The following CCBE1 variants were observed in gnomAD, a reference collection of about 807,000 sequenced individuals.
CCBE1 encodes collagen and calcium binding EGF domains 1.
In CCBE1, 37 loss-of-function variants were observed where a neutral mutation model predicts 50.0. That is an observed-to-expected ratio of 0.74 (90% CI 0.57 to 0.97). CCBE1 has a LOEUF of 0.97. Ranked by LOEUF, CCBE1 falls within the 50% of genes least tolerant of loss-of-function variation. The pLI is 0.00. For missense variants in CCBE1, 538 were observed against 523.8 expected, an observed-to-expected ratio of 1.03 and a Z score of -0.26; for synonymous variants, 234 against 203.7, an observed-to-expected ratio of 1.15 and a Z score of -1.27.
chr18:59,441,121 G>T (rs1910400874), intron 7 of CCBE1, among the ~76,000 whole-genome samples: 1 of 152,220 alleles, frequency 6.6e-6, no homozygotes, highest in Admixed American at 6.5e-5. Flanking sequence ...GACAAAAGAA[G>T]AGAGTACCCA....
At chr18:59,685,504 T>C (rs1368744718) in intron 2 of CCBE1, among the ~76,000 whole-genome samples, 12 of 152,194 alleles carry the variant, frequency 7.9e-5, no homozygotes, top group Admixed American at 7.9e-4. Flanking sequence ...TTTACCCAGC[T>C]TCTGACAAAG....
At chr18:59,525,745 ATC>A (rs1914792384) in intron 2 of CCBE1, among the ~76,000 whole-genome samples, 1 of 152,142 alleles carries the variant, frequency 6.6e-6, no homozygotes, top group African/African-American at 2.4e-5. Context: ...TAACTCTTTA[ATC>A]CATCTTGAGT....
intron 2 of CCBE1, among the ~76,000 whole-genome samples, chr18:59,600,779 G>T (rs1459538302): frequency 6.6e-6 from 1 of 152,090 alleles, no homozygotes; most frequent in Non-Finnish European, 1.5e-5. Flanking sequence ...CTTTCCTCAT[G>T]TAGAGTAATG....
intron 2 of CCBE1, among the ~76,000 whole-genome samples, chr18:59,619,273 T>C (rs1012087838): frequency 2.0e-5 from 3 of 152,232 alleles, no homozygotes; most frequent in Admixed American, 2.0e-4. Context: ...TATTTATGTT[T>C]TCCAAATTGA....
intron 2 of CCBE1, among the ~76,000 whole-genome samples, chr18:59,647,827 TAG>T (rs1468409431): frequency 3.9e-5 from 6 of 152,364 alleles, no homozygotes; most frequent in African/African-American, 1.2e-4. Context: ...CTTTCAACTT[TAG>T]AGTTTTGAGT....
intron 5 of CCBE1, chr18:59,455,187 T>G: frequency 1.6e-6 from 1 of 616,638 alleles, no homozygotes. Flanking sequence ...CTGTTCCTAT[T>G]TAGACATGCC....
chr18:59,688,410 T>C lies in CCBE1; in HGVS notation c.212+8219A>G, dbSNP rs112681786. 9.5e-3 allele frequency: 1,441 copies of C among 152,390 alleles called. 13 individuals are homozygous for C. Among genetic ancestry groups the C allele is most frequent in the African/African-American group, 0.028 (1,179 of 41,572 alleles). The allele number at this position is 152,390 out of a possible 1,614,324, so 9.4% of individuals were successfully genotyped here. A position where few individuals can be genotyped will look rare whatever the true frequency, so the allele number is the denominator to read the frequency against. On this transcript the variant is annotated intron_variant, in intron 2 of 10. Transcript: ENST00000439986. ...GCAGTGAGATATGATTGCACCACTGTACTGCAGTCTAGGCAACAGAGTGAG... is the reference window on the plus strand; with the variant it reads ...GCAGTGAGATATGATTGCACCACTGCACTGCAGTCTAGGCAACAGAGTGAG...
rs551202282 is a variant in CCBE1 at position 59,469,165 on chromosome 18, G to C, written c.400+308C>G. Among the ~76,000 whole-genome samples, 3 of 152,266 alleles carry C rather than the reference G, an allele frequency of 2.0e-5. No individual in the cohort carries two copies. In the East Asian group the frequency reaches 5.8e-4, roughly 29 times the overall value. On this transcript the variant is annotated intron_variant, in intron 4 of 10. Transcript: ENST00000439986. Reference sequence around the variant, plus strand: ...TTTATTCTTGTTTTGTTCTGTCTGCGTTTTTACTTTTCTGACCACTTATAC... The same window carrying C: ...TTTATTCTTGTTTTGTTCTGTCTGCCTTTTTACTTTTCTGACCACTTATAC...
chr18:59,676,962 G>T (rs1181292042), intron 2 of CCBE1, among the ~76,000 whole-genome samples: 1 of 152,134 alleles, frequency 6.6e-6, no homozygotes, highest in African/African-American at 2.4e-5. Context: ...AACTGAGGGA[G>T]GATAGTGTAG....
At chr18:59,666,103 A>T (rs1443407283) in intron 2 of CCBE1, 1 of 152,328 alleles carries the variant, frequency 6.6e-6, no homozygotes, top group African/African-American at 2.4e-5. Flanking sequence ...GAGGCTTCAT[A>T]ATCACGGCAA....
At chr18:59,492,112 T>A (rs1195942928) in intron 2 of CCBE1, among the ~76,000 whole-genome samples, 1 of 117,114 alleles carries the variant, frequency 8.5e-6, no homozygotes, top group Non-Finnish European at 1.6e-5. Context: ...GCCACTGCAC[T>A]CCAGCCTGGG....
intron 2 of CCBE1, among the ~76,000 whole-genome samples, chr18:59,553,872 T>A (rs1916016387): frequency 6.6e-6 from 1 of 152,218 alleles, no homozygotes; most frequent in Non-Finnish European, 1.5e-5. Flanking sequence ...TTAAAATAAA[T>A]TTGTGTATTA....
At chr18:59,666,798 C>T (rs2054363636) in intron 2 of CCBE1, among the ~76,000 whole-genome samples, 2 of 152,110 alleles carry the variant, frequency 1.3e-5, no homozygotes, top group South Asian at 4.2e-4. Context: ...AACCCCATCT[C>T]TACTAAAAAC....
intron 2 of CCBE1, among the ~76,000 whole-genome samples, chr18:59,572,765 T>C (rs2564489): frequency 0.65 from 98,966 of 152,076 alleles, 33,182 homozygotes; most frequent in East Asian, 0.89. Context: ...GAATAAACTA[T>C]GACTTCTCAG....
intron 2 of CCBE1, among the ~76,000 whole-genome samples, chr18:59,658,879 CAA>C (rs61226521): frequency 0.081 from 4,437 of 54,738 alleles, 102 homozygotes; most frequent in East Asian, 0.16. Context: ...GACTCTGTCT[CAA>C]AAAAAAAAAA....
chr18:59,613,863 G>GTTGTTTTTTTTTTTGTTTT (rs2053602852), intron 2 of CCBE1, among the ~76,000 whole-genome samples: 1 of 98,428 alleles, frequency 1.0e-5, no homozygotes, highest in African/African-American at 3.7e-5. Context: ...TCTCTGATGG[G>GTTGTTTTTTTTTTTGTTTT]TTTTTTTTTT....
intron 2 of CCBE1, among the ~76,000 whole-genome samples, chr18:59,560,582 G>T (rs141774485): frequency 6.6e-6 from 1 of 152,196 alleles, no homozygotes; most frequent in East Asian, 1.9e-4. Context: ...AAACCTGCAC[G>T]TTCTGCACAC....
intron 5 of CCBE1, among the ~76,000 whole-genome samples, chr18:59,462,727 C>A (rs1465165743): frequency 1.3e-5 from 2 of 151,782 alleles, no homozygotes; most frequent in Non-Finnish European, 2.9e-5. Context: ...GCTTTTAGTG[C>A]ATTCTAATTG....
chr18:59,526,602 C>T (rs538347524), intron 2 of CCBE1, among the ~76,000 whole-genome samples: 1 of 152,188 alleles, frequency 6.6e-6, no homozygotes, highest in Non-Finnish European at 1.5e-5. Flanking sequence ...AGCCACCATG[C>T]CCGGCCAATT....
Sources: allele counts gnomAD v4.1 joint callset (sites outside exome capture counted in the v4.1 genomes callset), GRCh38; gene constraint gnomAD v4.1.1; transcripts MANE v1.5; gene names NCBI Gene and HGNC (gene_info 2026-07-23, HGNC 2026-07-21).